CIB3: variants seen among roughly 807,000 people sequenced by gnomAD.
CIB3 encodes calcium and integrin-binding family member 3.
A neutral mutation model predicts 23.4 loss-of-function variants in CIB3; 22 were observed. That is an observed-to-expected ratio of 0.94 (90% CI 0.67 to 1.34). The LOEUF is 1.34. Among genes scored for constraint, CIB3 ranks in the 40% most tolerant of loss-of-function variants. The pLI is 0.00. For synonymous variants in CIB3, 93 were observed against 95.8 expected (o/e 0.97, Z 0.17); for missense variants, 258 against 247.3 (o/e 1.04, Z -0.29).
intron 5 of CIB3, among the ~76,000 whole-genome samples, chr19:16,163,573 A>ATGTTT (rs1477679747): frequency 6.6e-6 from 1 of 152,170 alleles, no homozygotes; most frequent in Non-Finnish European, 1.5e-5. Context: ...CAAACAAACA[A>ATGTTT]AAAGAAACAT....
At chr19:16,167,989 G>T in intron 4 of CIB3, 148 bp downstream of exon 4, 1 of 977,782 alleles carries the variant, frequency 1.0e-6, no homozygotes, top group Non-Finnish European at 1.5e-6. Flanking sequence ...AAATAAATGA[G>T]GTGGGGAGGC....
At position 16,164,821 on chromosome 19, in the gene CIB3, G is replaced by T. The variant is rs1313430711; in HGVS notation, c.439C>A (p.Leu147Met). The change falls in exon 5 of 6, where the codon CTG becomes ATG. Residue 147 changes from leucine (L) to methionine (M), a missense_variant. Transcript: ENST00000269878. ...TCATCCAGCACCTTCTCACATACCA[G>T]GCTCACCTCCTCGGCACTCAGCCCC... is the stretch of plus-strand genomic sequence containing the variant. ...RGGLSAEEVS[L>M]VCEKVLDEAD... The T allele has an allele frequency of 6.2e-7, 1 of 1,613,954 alleles. No homozygotes were observed. The highest frequency in any genetic ancestry group is 8.5e-7 in the Non-Finnish European group (1 of 1,179,996).
At chr19:16,162,385 C>T (rs1411540430) in intron 5 of CIB3, among the ~76,000 whole-genome samples, 1 of 151,932 alleles carries the variant, frequency 6.6e-6, no homozygotes, top group Non-Finnish European at 1.5e-5. Flanking sequence ...ATGATTGTGC[C>T]ACTGCACTCC....
chr19:16,167,161 C>T (rs2091309149), intron 4 of CIB3, among the ~76,000 whole-genome samples: 1 of 151,982 alleles, frequency 6.6e-6, no homozygotes, highest in Non-Finnish European at 1.5e-5. Context: ...ACGGAGGTTG[C>T]AGTGAGCTGA....
chr19:16,165,872 TTCAC>T (rs202049638), intron 4 of CIB3, among the ~76,000 whole-genome samples: 4 of 152,220 alleles, frequency 2.6e-5, no homozygotes, highest in South Asian at 2.1e-4. Flanking sequence ...CTGATTTTCA[TTCAC>T]TCACTCACTC....
At chr19:16,168,848 G>T (rs1378048640) in intron 3 of CIB3, among the ~76,000 whole-genome samples, 1 of 152,064 alleles carries the variant, frequency 6.6e-6, no homozygotes, top group Non-Finnish European at 1.5e-5. Flanking sequence ...TTTTGTTGTT[G>T]TTCAGGGGCA....
chr19:16,168,314 T>C (rs1174711873), intron 3 of CIB3, 30 bp from the exon 4 acceptor site: 8 of 1,612,044 alleles, frequency 5.0e-6, no homozygotes, highest in South Asian at 2.2e-5. Context: ...TGGGAGGCCA[T>C]CCTCTGACCC....
intron 2 of CIB3, among the ~76,000 whole-genome samples, chr19:16,172,022 G>A (rs894538508): frequency 3.9e-5 from 6 of 152,232 alleles, no homozygotes; most frequent in South Asian, 2.1e-4. Context: ...GCTGGGTCAC[G>A]CCAGGGACCT....
chr19:16,164,899 C>A lies in CIB3; in HGVS notation c.361G>T (p.Asp121Tyr). Residue 121 changes from aspartate to tyrosine, a missense_variant, in exon 5 of 6, where the codon GAC (aspartate) becomes TAC (tyrosine). Physicochemically the swap from Asp to Tyr is radical, Grantham distance 160. Coordinates refer to ENST00000269878, the MANE Select transcript of CIB3 (RefSeq NM_054113.4). ...TCCAGGTCCCACGCACAAATGTAGTCGTCGTTGTTAAAATCTGCAGAGCAG... is the reference window on the plus strand; with the variant it reads ...TCCAGGTCCCACGCACAAATGTAGTAGTCGTTGTTAAAATCTGCAGAGCAG... ...AFKIYDFNNDDYICAWDLEQT... is the reference protein window; with the variant it reads ...AFKIYDFNNDYYICAWDLEQT... The A allele has an allele frequency of 6.2e-7, 1 of 1,614,022 alleles. No homozygotes were observed. The highest frequency in any genetic ancestry group is 8.5e-7 in the Non-Finnish European group (1 of 1,179,972).
chr19:16,166,206 G>T (rs573298430), intron 4 of CIB3, among the ~76,000 whole-genome samples: 1 of 152,124 alleles, frequency 6.6e-6, no homozygotes, highest in Non-Finnish European at 1.5e-5. Context: ...CAGGAGAATC[G>T]CTTGAACCCA....
intron 2 of CIB3, among the ~76,000 whole-genome samples, chr19:16,170,751 G>A (rs887749997): frequency 2.6e-5 from 4 of 151,970 alleles, no homozygotes; most frequent in Non-Finnish European, 5.9e-5. Context: ...GAACCTGGGA[G>A]CTGGAGGTTG....
chr19:16,167,251 A>G (rs2091309780), intron 4 of CIB3, among the ~76,000 whole-genome samples: 1 of 152,086 alleles, frequency 6.6e-6, no homozygotes, highest in Non-Finnish European at 1.5e-5. Context: ...CAAAAAAAAC[A>G]AGTATTTATT....
Position 16,168,137 on chromosome 19 carries a change from C to T in CIB3, c.346G>A (p.Asp116Asn). 1 of 1,606,494 alleles carries T rather than the reference C, an allele frequency of 6.2e-7. No homozygotes were observed. Among genetic ancestry groups the T allele is most frequent in the Non-Finnish European group, 8.5e-7 (1 of 1,176,512 alleles). ...LKAYYAFKIY[D>N]FNNDDYICAW... ...CCCAACCCCAGGGCCACGCACGCAC[C>T]ATAAATTTTAAAAGCATAGTAAGCC... Residue 116 changes from aspartate (D) to asparagine (N), a missense_variant and splice_region_variant, in exon 4 of 6, where the codon GAT becomes AAT. Transcript: ENST00000269878.
chr19:16,169,722 C>T lies in CIB3; in HGVS notation c.106G>A (p.Asp36Asn). Reference protein sequence around the residue: ...EIMRLFYRYQDLAPQLVPLDY... With the variant: ...EIMRLFYRYQNLAPQLVPLDY... The stretch of plus-strand genomic sequence containing the variant: ...AGGGGCACGAGCTGTGGGGCCAGGT[C>T]CTGGTAGCGATAGAAGAGCCTGATG... The change falls in exon 3 of 6, where the codon GAC becomes AAC. Residue 36 changes from aspartate (D) to asparagine (N), a missense_variant. Asp to Asn is a conservative substitution (Grantham distance 23). Coordinates refer to ENST00000269878, the MANE Select transcript of CIB3 (RefSeq NM_054113.4). 3 of 1,611,294 alleles carry T rather than the reference C, an allele frequency of 1.9e-6. No individual in the cohort carries two copies. Among genetic ancestry groups the T allele is most frequent in the Non-Finnish European group, 2.5e-6 (3 of 1,178,674 alleles).
intron 2 of CIB3, among the ~76,000 whole-genome samples, chr19:16,172,527 T>C (rs1286780528): frequency 3.3e-5 from 5 of 152,136 alleles, no homozygotes; most frequent in African/African-American, 1.2e-4. Context: ...CTGCCACCCT[T>C]GGGAGAAAGC....
intron 5 of CIB3, among the ~76,000 whole-genome samples, chr19:16,161,923 G>A (rs285229): frequency 3.3e-5 from 5 of 151,716 alleles, no homozygotes; most frequent in Admixed American, 6.6e-5. Context: ...GTGCTCAAGC[G>A]ATCCACCCAC....
rs1366569019 is a variant in CIB3 at position 16,173,039 on chromosome 19, CTT to C, written c.86+121_86+122del. On this transcript the variant is annotated intron_variant, in intron 2 of 5. Coordinates refer to ENST00000269878, the MANE Select transcript of CIB3 (RefSeq NM_054113.4). ...AAGAGAAAGAAAGAAAGAAAGACTACTTACACACACACACACACACACACACA... is the reference window on the plus strand; with the variant it reads ...AAGAGAAAGAAAGAAAGAAAGACTACACACACACACACACACACACACACA... The C allele has an allele frequency of 5.0e-5, 56 of 1,129,532 alleles. No homozygotes were observed. The African/African-American group carries it at 9.1e-4, about 18-fold the overall frequency. The allele number at this position is 1,129,532 out of a possible 1,614,324, so 70.0% of individuals were successfully genotyped here.
chr19:16,161,441 T>A lies in CIB3; in HGVS notation c.*24A>T. On this transcript the variant is annotated 3_prime_UTR_variant, in exon 6 of 6. Transcript: ENST00000269878. ...GGTGAGGGGTCACCCCGCCCTCCTA[T>A]AGCTCGGCTCCTCTGTGGTGCCATC... 6.2e-7 allele frequency: 1 copy of A among 1,613,826 alleles called. No homozygotes were observed. The highest frequency in any genetic ancestry group is 8.5e-7 in the Non-Finnish European group (1 of 1,179,790).
rs998642573 is a variant in CIB3 at position 16,161,385 on chromosome 19, T to C, written c.*80A>G. 1.5e-4 allele frequency: 206 copies of C among 1,415,210 alleles called. 1 individual carries two copies. The highest frequency in any genetic ancestry group is 2.0e-4 in the Non-Finnish European group (199 of 998,854). 87.7% of individuals were successfully genotyped at this position (1,415,210 alleles called of 1,614,324 possible). A position where few individuals can be genotyped will look rare whatever the true frequency, so the allele number is the denominator to read the frequency against. On this transcript the variant is annotated 3_prime_UTR_variant, in exon 6 of 6. Coordinates refer to ENST00000269878, the MANE Select transcript of CIB3 (RefSeq NM_054113.4). ...CCAGCAGGTGTGACTCAGTGACTTGTGTTTATTCTCAGAAACCAGAGTCCA... is the reference window on the plus strand; with the variant it reads ...CCAGCAGGTGTGACTCAGTGACTTGCGTTTATTCTCAGAAACCAGAGTCCA...
Sources: gnomAD v4.1 joint callset for allele counts (sites outside exome capture counted in the v4.1 genomes callset) on GRCh38, gnomAD v4.1.1 for gene constraint, MANE v1.5 for transcripts, NCBI Gene and HGNC (gene_info 2026-07-23, HGNC 2026-07-21) for gene names.